GPHN: variants seen among roughly 807,000 people sequenced by gnomAD.
GPHN encodes gephyrin.
Under a neutral mutation model 95.5 loss-of-function variants are expected in GPHN, and 17 were observed. That is an observed-to-expected ratio of 0.18 (90% CI 0.12 to 0.27). The LOEUF is 0.27. Among genes scored for constraint, GPHN ranks in the 10% least tolerant of loss-of-function variants. The pLI, the probability that GPHN is intolerant of heterozygous loss-of-function variation, is 1.00. For synonymous variants in GPHN, 320 were observed against 322.5 expected (o/e 0.99, Z 0.08); for missense variants, 660 against 978.1 (o/e 0.67, Z 4.34).
At position 66,600,528 on chromosome 14, in the gene GPHN, A is replaced by G. The variant is rs567544196; in HGVS notation, c.65-80579A>G. Among the ~76,000 whole-genome samples, 4 of 152,250 alleles carry G rather than the reference A, an allele frequency of 2.6e-5. No homozygotes were observed. The South Asian group carries it at 8.3e-4, about 32-fold the overall frequency. ...CACCTATCAATACGTAACTTTTAAA[A>G]AATGTGTATTTCTGTTTAAAGACAA... is the stretch of plus-strand genomic sequence containing the variant. On this transcript the variant is annotated intron_variant, in intron 1 of 22. Transcript: ENST00000478722.
chr14:66,562,572 G>C (rs574253451), intron 1 of GPHN, among the ~76,000 whole-genome samples: 1 of 152,098 alleles, frequency 6.6e-6, no homozygotes, highest in Non-Finnish European at 1.5e-5. Context: ...AACTCAAAGC[G>C]TTTGTTGGAA....
At chr14:66,560,636 T>C (rs2060194073) in intron 1 of GPHN, among the ~76,000 whole-genome samples, 1 of 152,184 alleles carries the variant, frequency 6.6e-6, no homozygotes, top group African/African-American at 2.4e-5. Context: ...TTAAGGAGAT[T>C]TTGGGCTGAG....
chr14:66,861,363 C>T (rs2063017585), intron 4 of GPHN, among the ~76,000 whole-genome samples: 1 of 151,932 alleles, frequency 6.6e-6, no homozygotes, highest in African/African-American at 2.4e-5. Flanking sequence ...ATTATTAGAG[C>T]TAAAGAGAGA....
At chr14:67,451,609 T>C in the GPHN span, among the ~76,000 whole-genome samples, 8 of 152,244 alleles carry the variant, frequency 5.3e-5, no homozygotes, top group African/African-American at 1.4e-4. Flanking sequence ...TGTAGCCCTT[T>C]TGTTTTGGCC....
intron 5 of GPHN, among the ~76,000 whole-genome samples, chr14:66,899,898 T>C (rs962608371): frequency 5.9e-5 from 9 of 151,864 alleles, no homozygotes; most frequent in Non-Finnish European, 8.8e-5. Context: ...GTCCTAGAGC[T>C]TTATTTTTCT....
chr14:66,805,075 A>G (rs969687673), intron 3 of GPHN, among the ~76,000 whole-genome samples: 3 of 152,218 alleles, frequency 2.0e-5, no homozygotes, highest in African/African-American at 7.2e-5. Context: ...GCAATTTACA[A>G]AAGAAATAAG....
At chr14:67,359,564 G>C in the GPHN span, 338 of 1,415,398 alleles carry the variant, frequency 2.4e-4, 3 homozygotes, top group East Asian at 7.7e-3. Context: ...ATCCTCCCAG[G>C]AAACAAGGAC....
chr14:67,222,344 G>A, the GPHN span, among the ~76,000 whole-genome samples: 1 of 152,204 alleles, frequency 6.6e-6, no homozygotes, highest in Non-Finnish European at 1.5e-5. Flanking sequence ...AGGCTGATGT[G>A]CAGTGGTGTG....
the GPHN span, chr14:67,662,571 T>C: frequency 1.3e-5 from 20 of 1,565,130 alleles, no homozygotes; most frequent in Admixed American, 1.1e-4. Context: ...TGCTTATTAC[T>C]GTTTCCACAC....
chr14:67,194,734 C>G, the GPHN span, among the ~76,000 whole-genome samples: 52 of 152,134 alleles, frequency 3.4e-4, no homozygotes, highest in Non-Finnish European at 4.6e-4. Context: ...AACTCCTGAC[C>G]TGGTGATCCA....
chr14:67,708,167 G>A, the GPHN span, among the ~76,000 whole-genome samples: 25 of 152,162 alleles, frequency 1.6e-4, no homozygotes, highest in African/African-American at 5.5e-4. Context: ...GTATACTTTA[G>A]TCAATTGCTA....
intron 5 of GPHN, among the ~76,000 whole-genome samples, chr14:66,901,527 C>G (rs1030008283): frequency 4.6e-5 from 7 of 151,752 alleles, no homozygotes; most frequent in African/African-American, 1.7e-4. Context: ...AGATTTAAGT[C>G]TTTATTTTGA....
chr14:67,708,031 C>G, the GPHN span, among the ~76,000 whole-genome samples: 1 of 152,196 alleles, frequency 6.6e-6, no homozygotes, highest in Non-Finnish European at 1.5e-5. Context: ...CAAATGGAAA[C>G]AGATTCTTAC....
chr14:67,634,459 G>A, the GPHN span, among the ~76,000 whole-genome samples: 1 of 151,230 alleles, frequency 6.6e-6, no homozygotes, highest in Non-Finnish European at 1.5e-5. Context: ...AATTTAGCTA[G>A]GTGTGGCTTC....
At chr14:67,305,761 A>G in the GPHN span, among the ~76,000 whole-genome samples, 2,356 of 152,346 alleles carry the variant, frequency 0.015, 29 homozygotes, top group Non-Finnish European at 0.024. Context: ...TTTCAACCTA[A>G]GAATGAAATA....
intron 3 of GPHN, among the ~76,000 whole-genome samples, chr14:66,794,593 TTAAC>T (rs2060092921): frequency 1.3e-5 from 2 of 152,232 alleles, no homozygotes; most frequent in Admixed American, 1.3e-4. Context: ...GTGCTTCCCT[TTAAC>T]TATTATTTAG....
At chr14:66,685,730 G>C (rs1034653367) in intron 2 of GPHN, among the ~76,000 whole-genome samples, 1 of 152,214 alleles carries the variant, frequency 6.6e-6, no homozygotes, top group Non-Finnish European at 1.5e-5. Flanking sequence ...TTCTTTTGCT[G>C]TGCAGAAGCT....
the GPHN span, among the ~76,000 whole-genome samples, chr14:67,247,404 C>T: frequency 1.3e-5 from 2 of 152,022 alleles, no homozygotes; most frequent in East Asian, 3.8e-4. Context: ...GCTCTAGGAG[C>T]TTTTTTATTT....
At chr14:67,619,505 AGGCAGGGCCAGACCAGGCCCGACC>A in the GPHN span, among the ~76,000 whole-genome samples, 2 of 152,230 alleles carry the variant, frequency 1.3e-5, no homozygotes, top group African/African-American at 4.8e-5. Context: ...GGCTTTGACT[AGGCAGGGCCAGACCAGGCCCGACC>A]CAGCCAGCCC....
Sources: gnomAD v4.1 joint callset for allele counts (sites outside exome capture counted in the v4.1 genomes callset) on GRCh38, gnomAD v4.1.1 for gene constraint, MANE v1.5 for transcripts, NCBI Gene and HGNC (gene_info 2026-07-23, HGNC 2026-07-21) for gene names.